Variants in C3 observed in about 807,000 individuals in gnomAD.
C3 encodes the protein complement C3.
A neutral mutation model predicts 207.9 loss-of-function variants in C3; 97 were observed. The ratio of observed to expected loss-of-function variants is 0.47; its 90% CI spans 0.40 to 0.55. The LOEUF (loss-of-function observed/expected upper bound fraction) is 0.55, where lower values mean the gene tolerates loss of function less well. Ranked by LOEUF, C3 falls within the 20% of genes least tolerant of loss-of-function variation. The pLI, the probability that C3 is intolerant of heterozygous loss-of-function variation, is 0.00. For missense variants in C3, 1,684 were observed against 2,171.7 expected (o/e 0.78, Z 4.46); for synonymous variants, 848 against 857.6 (o/e 0.99, Z 0.20).
In C3 at chr19:6,707,891, G is replaced by C; in HGVS notation, c.1884C>G (p.Thr628=). ...CGGCGTAATCCTTCCCACTGCCCGGGGTGCAGCCGATGTCTGCCTTCTCCA... is the reference window on the plus strand; with the variant it reads ...CGGCGTAATCCTTCCCACTGCCCGGCGTGCAGCCGATGTCTGCCTTCTCCA... ...DVVEKADIGC[T]PGSGKDYAGV... Residue 628 remains threonine, a synonymous_variant, in exon 15 of 41, where the codon ACC becomes ACG. Transcript: ENST00000245907. 1 of 1,613,966 alleles carries C rather than the reference G, an allele frequency of 6.2e-7. No homozygotes were observed. The highest frequency in any genetic ancestry group is 8.5e-7 in the Non-Finnish European group (1 of 1,180,008).
At position 6,708,326 on chromosome 19, in the gene C3, G is replaced by A. The variant is rs144582145; in HGVS notation, c.1846-397C>T. On this transcript the variant is annotated intron_variant, in intron 14 of 40. Transcript: ENST00000245907. ...TAATTTTTATATATTTAGTAGAGACGGGATTTCACCATGTTGGCCAGGCTG... is the reference window on the plus strand; with the variant it reads ...TAATTTTTATATATTTAGTAGAGACAGGATTTCACCATGTTGGCCAGGCTG... Among the ~76,000 whole-genome samples, 21 of 152,032 alleles carry A rather than the reference G, an allele frequency of 1.4e-4. No homozygotes were observed. The East Asian group carries it at 3.5e-3, about 25-fold the overall frequency.
At chr19:6,686,341 T>A in intron 28 of C3, 54 bp from the exon 29 acceptor site, 1 of 1,599,098 alleles carries the variant, frequency 6.3e-7, no homozygotes, top group Non-Finnish European at 8.6e-7. Context: ...AGCCTGGGGA[T>A]GGCTCAGAGA....
At chr19:6,716,611 C>T (rs1030851202) in intron 4 of C3, 3 of 152,218 alleles carry the variant, frequency 2.0e-5, no homozygotes, top group Admixed American at 1.3e-4. Context: ...CCATCCTTCT[C>T]GCTTCTTCCA....
chr19:6,720,428 C>A (rs1293307443), intron 1 of C3, 88 bp downstream of exon 1: 4 of 938,334 alleles, frequency 4.3e-6, no homozygotes, highest in Non-Finnish European at 5.1e-6. Flanking sequence ...CCCAAATGCA[C>A]CCTGAATTCT....
intron 27 of C3, among the ~76,000 whole-genome samples, chr19:6,689,796 A>G (rs1429688841): frequency 3.3e-5 from 5 of 152,188 alleles, no homozygotes; most frequent in African/African-American, 9.7e-5. Context: ...AGCCTGGCCA[A>G]TATGGTGAAA....
chr19:6,689,292 A>AGTCCC (rs1918090582), intron 27 of C3, among the ~76,000 whole-genome samples: 1 of 91,510 alleles, frequency 1.1e-5, no homozygotes, highest in Non-Finnish European at 2.3e-5. Context: ...GTCTGACCCC[A>AGTCCC]CCTCTCCTCT....
rs11569418 is a variant in C3 at position 6,715,599 on chromosome 19, T to C, written c.505-1153A>G. 4.3e-3 allele frequency among the ~76,000 whole-genome samples: 656 copies of C among 151,278 alleles called. 16 individuals carry two copies. In the East Asian group the frequency reaches 0.067, roughly 15 times the overall value. On this transcript the variant is annotated intron_variant, in intron 4 of 40. Coordinates refer to ENST00000245907, the MANE Select transcript of C3 (RefSeq NM_000064.4). ...AGCTGGCTTTAGGAATTAAAACATA[T>C]AAAAATCTGTTTTTTTTTTGTTTTT...
At chr19:6,703,740 C>T (rs1024032071) in intron 17 of C3, among the ~76,000 whole-genome samples, 2 of 152,078 alleles carry the variant, frequency 1.3e-5, no homozygotes, top group African/African-American at 4.8e-5. Flanking sequence ...AGAACATTCC[C>T]AGACCTGGTG....
intron 26 of C3, among the ~76,000 whole-genome samples, chr19:6,691,497 A>C (rs970446323): frequency 1.3e-5 from 2 of 152,344 alleles, no homozygotes; most frequent in Middle Eastern, 3.4e-3. Flanking sequence ...GGCAGGGATT[A>C]GCATACTAGG....
At chr19:6,700,461 G>GTAATATGATATA (rs1967631822) in intron 19 of C3, among the ~76,000 whole-genome samples, 2 of 30,436 alleles carry the variant, frequency 6.6e-5, no homozygotes, top group Admixed American at 6.6e-4. Flanking sequence ...TAATATATAT[G>GTAATATGATATA]TTATATATGT....
intron 23 of C3, 130 bp downstream of exon 23, chr19:6,696,247 CAG>C (rs1967529576): frequency 3.3e-6 from 2 of 600,798 alleles, no homozygotes; most frequent in South Asian, 3.5e-5. Context: ...AGAGGGAAAA[CAG>C]ATCACAGATG....
At position 6,686,107 on chromosome 19, in the gene C3, G is replaced by C. The variant is rs1432315488; in HGVS notation, c.3810+17C>G. 1.9e-6 allele frequency: 3 copies of C among 1,613,508 alleles called. No homozygotes were observed. The East Asian group carries it at 6.7e-5, about 36-fold the overall frequency. On this transcript the variant is annotated intron_variant, in intron 29 of 40. Transcript: ENST00000245907. ...GAGACAGGGATGCATGTGCCTAGGG[G>C]CTGTGGGCCCACTTGCCTGGGTAGA...
At position 6,719,331 on chromosome 19, in the gene C3, C is replaced by A. The variant is rs567851766; in HGVS notation, c.147G>T (p.Ala49=). The A allele has an allele frequency of 2.5e-6, 4 of 1,613,892 alleles. No individual in the cohort carries two copies. In the South Asian group the frequency reaches 3.3e-5, roughly 13 times the overall value. The change falls in exon 2 of 41, where the codon GCG becomes GCT. Residue 49 remains alanine, a synonymous_variant. Coordinates refer to ENST00000245907, the MANE Select transcript of C3 (RefSeq NM_000064.4). The surrounding 1 kb of genome is among the most constrained non-coding windows in gnomAD (Gnocchi z 5.4). ...TAACAGTGACTGGAACATCCCCTTGCGCGTCGTGGGCCTCCAGCACCATGG... is the reference window on the plus strand; with the variant it reads ...TAACAGTGACTGGAACATCCCCTTGAGCGTCGTGGGCCTCCAGCACCATGG... The part of the protein sequence containing the change: ...EETMVLEAHD[A]QGDVPVTVTV...
chr19:6,693,397 G>A lies in C3; in HGVS notation c.3230+15C>T, dbSNP rs1371214396. ...TGGGGAGTATGCATGGCCTGAGCTG[G>A]CTGTTGGGACTCACCAGGTGCTGGG... On this transcript the variant is annotated intron_variant, in intron 25 of 40. Transcript: ENST00000245907. 6.2e-7 allele frequency: 1 copy of A among 1,605,058 alleles called. No individual in the cohort carries two copies.
intron 4 of C3, chr19:6,717,246 G>T (rs1968050302): frequency 6.5e-6 from 1 of 153,602 alleles, no homozygotes; most frequent in Admixed American, 6.4e-5. Flanking sequence ...GCTGCCGTCG[G>T]TAGAATAGAT....
rs554127198 is a variant in C3, at chr19:6,715,922, G to A, written c.505-1476C>T. 2.0e-5 allele frequency among the ~76,000 whole-genome samples: 3 copies of A among 152,176 alleles called. No homozygotes were observed. In the South Asian group the frequency reaches 6.2e-4, roughly 32 times the overall value. ...TTATAGGAGTGAGCCACTGCACCTG[G>A]CCAAAAATCTGTTTTTCTAGCTTCT... On this transcript the variant is annotated intron_variant, in intron 4 of 40. Coordinates refer to ENST00000245907, the MANE Select transcript of C3 (RefSeq NM_000064.4).
chr19:6,696,446 G>A lies in C3; in HGVS notation c.2883C>T (p.Asp961=). ...RLGREGVQKE[D]IPPADLSDQV... ...GGTCACTGAGGTCTGCAGGTGGGAT[G>A]TCCTCTTTCTGCACTCCTTCTGCAG... is the stretch of plus-strand genomic sequence containing the variant. The change falls in exon 23 of 41, where the codon GAC becomes GAT. Residue 961 remains aspartate (D), a synonymous_variant. Transcript: ENST00000245907. The A allele has an allele frequency of 1.2e-6, 2 of 1,613,508 alleles. No individual in the cohort carries two copies. The highest frequency in any genetic ancestry group is 1.1e-5 in the South Asian group (1 of 91,070).
In C3 at chr19:6,684,635, G is replaced by C; in HGVS notation, c.4045C>G (p.His1349Asp). The C allele has an allele frequency of 6.2e-7, 1 of 1,613,764 alleles. No individual in the cohort carries two copies. The highest frequency in any genetic ancestry group is 1.1e-5 in the South Asian group (1 of 91,076). Residue 1349 changes from histidine (H) to aspartate (D), a missense_variant, in exon 32 of 41, where the codon CAT (histidine) becomes GAT (aspartate). His to Asp is a moderately conservative substitution (Grantham distance 81). Transcript: ENST00000245907. The stretch of plus-strand genomic sequence containing the variant: ...GTGAGTTGATCTTTGGCCTTAGCAT[G>C]GTACATTGTCACCACCTGGTAAGAT... ...QGTLSVVTMY[H>D]AKAKDQLTCN...
intron 17 of C3, 34 bp downstream of exon 17, chr19:6,707,042 C>A (rs754866594): frequency 1.3e-6 from 2 of 1,558,382 alleles, no homozygotes. Context: ...CATCAGACGG[C>A]CCCCTCCCCC....
Sources: gnomAD v4.1 joint callset for allele counts (sites outside exome capture counted in the v4.1 genomes callset) on GRCh38, gnomAD v4.1.1 for gene constraint, Gnocchi (gnomAD v3.1) non-coding constraint, MANE v1.5 for transcripts, NCBI Gene and HGNC (gene_info 2026-07-23, HGNC 2026-07-21) for gene names.